The following GNL3L variants were observed in gnomAD, a reference collection of about 807,000 sequenced individuals.
The protein encoded by GNL3L is guanine nucleotide-binding protein-like 3-like protein.
A neutral mutation model predicts 42.9 loss-of-function variants in GNL3L; 4 were observed. The observed-to-expected ratio is 0.09, with a 90% CI of 0.05 to 0.21. The LOEUF (loss-of-function observed/expected upper bound fraction) is 0.21. GNL3L is among the 10% of genes least tolerant of loss of function. The pLI, the probability that GNL3L is intolerant of heterozygous loss-of-function variation, is 1.00. For synonymous variants in GNL3L, 159 were observed against 176.3 expected (o/e 0.90, Z 0.78); for missense variants, 412 against 481.7 (o/e 0.86, Z 1.36).
chrX:54,614,380 C>T (rs991318251), intron 16 of GNL3L, among the ~76,000 whole-genome samples: 24 of 111,342 alleles, frequency 2.2e-4, no homozygotes, highest in African/African-American at 7.8e-4. Flanking sequence ...TTGGTTCTTC[C>T]CCTGCTTGTG....
chrX:54,635,545 A>G, the GNL3L span, among the ~76,000 whole-genome samples: 27 of 111,116 alleles, frequency 2.4e-4, no homozygotes, highest in African/African-American at 8.5e-4. Context: ...GGTACATTAA[A>G]TTCTCCTTTT....
chrX:54,589,985 G>A (rs1235750336), intron 16 of GNL3L, among the ~76,000 whole-genome samples: 4 of 109,831 alleles, frequency 3.6e-5, no homozygotes, highest in African/African-American at 1.3e-4. Flanking sequence ...TGTCGCCCAG[G>A]CTGGAGTGTA....
At chrX:54,644,407 C>T in the GNL3L span, among the ~76,000 whole-genome samples, 1 of 112,244 alleles carries the variant, frequency 8.9e-6, no homozygotes. Flanking sequence ...TTCAGTTTTA[C>T]AGTTAAATCT....
chrX:54,618,107 G>C (rs1414627448), intron 16 of GNL3L, among the ~76,000 whole-genome samples: 1 of 110,836 alleles, frequency 9.0e-6, no homozygotes, highest in Non-Finnish European at 1.9e-5. Context: ...CCACATATAG[G>C]AGCTGGCTTC....
chrX:54,567,662 G>A (rs1925474839), downstream of GNL3L, among the ~76,000 whole-genome samples: 1 of 106,567 alleles, frequency 9.4e-6, no homozygotes, highest in South Asian at 4.1e-4. Context: ...AAAAAAAAAA[G>A]AATGGTGAGC....
At chrX:54,605,540 G>C (rs754377696) in intron 16 of GNL3L, among the ~76,000 whole-genome samples, 17 of 111,676 alleles carry the variant, frequency 1.5e-4, no homozygotes, top group Admixed American at 7.6e-4. Context: ...TCTTGGTGCT[G>C]TACTGGATAA....
chrX:54,570,665 AATG>A (rs1195703718), downstream of GNL3L, among the ~76,000 whole-genome samples: 2 of 108,809 alleles, frequency 1.8e-5, no homozygotes, highest in East Asian at 5.8e-4. Flanking sequence ...TGTTTTTTTT[AATG>A]ATTCCATTGT....
intron 14 of GNL3L, among the ~76,000 whole-genome samples, chrX:54,555,239 C>T (rs1303610717): frequency 9.1e-6 from 1 of 109,981 alleles, no homozygotes; most frequent in Non-Finnish European, 1.9e-5. Context: ...GTCTCGAACC[C>T]CTGACCTCGG....
chrX:54,566,020 C>A lies in GNL3L; in HGVS notation c.*5418C>A, dbSNP rs1256346265. Among the ~76,000 whole-genome samples the A allele has an allele frequency of 9.1e-6, 1 of 109,413 alleles. No individual in the cohort carries two copies. The highest frequency in any genetic ancestry group is 1.9e-5 in the Non-Finnish European group (1 of 52,704). ...ATTTTTACCAGAGACAAGGTTTCACCATGTTGGCAAGGCTGGTCTTGAACT... is the reference window on the plus strand; with the variant it reads ...ATTTTTACCAGAGACAAGGTTTCACAATGTTGGCAAGGCTGGTCTTGAACT... On this transcript the variant is annotated 3_prime_UTR_variant, in exon 16 of 16. Transcript: ENST00000360845.
chrX:54,570,441 T>C (rs915641275), downstream of GNL3L, among the ~76,000 whole-genome samples: 71 of 112,226 alleles, frequency 6.3e-4, 1 homozygote, highest in African/African-American at 2.2e-3. Context: ...TGTTTATGTT[T>C]AAAGTGCATT....
the GNL3L span, among the ~76,000 whole-genome samples, chrX:54,630,774 C>CTCTTTCTT: frequency 2.1e-3 from 186 of 89,754 alleles, 1 homozygote; most frequent in African/African-American, 7.5e-3. Flanking sequence ...TTCTTTCTTT[C>CTCTTTCTT]TCTTTCTTTC....
chrX:54,586,156 G>T (rs149091373), intron 16 of GNL3L, among the ~76,000 whole-genome samples: 195 of 111,213 alleles, frequency 1.8e-3, no homozygotes, highest in African/African-American at 5.8e-3. Flanking sequence ...CATCCTGCTG[G>T]GCCAAGATCA....
Position 54,551,560 on chromosome X carries a change from CG to C in GNL3L, c.864-7del. ...GGTACATCTGGGCTTTCTTCTTCCC[CG>C]CCCCAGATTCATGCAGGAGGTCTAC... is the stretch of plus-strand genomic sequence containing the variant. On this transcript the variant is annotated splice_region_variant and splice_polypyrimidine_tract_variant and intron_variant, in intron 10 of 15. Transcript: ENST00000360845. 8.3e-7 allele frequency: 1 copy of C among 1,205,107 alleles called. No individual in the cohort carries two copies. The highest frequency in any genetic ancestry group is 1.1e-6 in the Non-Finnish European group (1 of 890,385).
chrX:54,536,714 G>C (rs1924435983), intron 2 of GNL3L, among the ~76,000 whole-genome samples: 1 of 107,156 alleles, frequency 9.3e-6, no homozygotes, highest in South Asian at 4.3e-4. Flanking sequence ...GAACCTGGGA[G>C]GTGGAGGTTG....
intron 14 of GNL3L, among the ~76,000 whole-genome samples, chrX:54,555,168 A>G (rs1925052799): frequency 9.2e-6 from 1 of 109,242 alleles, no homozygotes; most frequent in East Asian, 2.9e-4. Context: ...ATGCGCCACG[A>G]CACCCGGCTT....
intron 14 of GNL3L, among the ~76,000 whole-genome samples, chrX:54,555,633 ATTTTTTTT>A (rs759334820): frequency 3.0e-5 from 2 of 66,396 alleles, no homozygotes; most frequent in East Asian, 4.4e-4. Context: ...ACCATGCCTA[ATTTTTTTT>A]TTTTTTTTTT....
chrX:54,636,626 G>A, the GNL3L span, among the ~76,000 whole-genome samples: 1 of 110,718 alleles, frequency 9.0e-6, no homozygotes, highest in Non-Finnish European at 1.9e-5. Context: ...TGTGGTATTT[G>A]GTTCCCTGTT....
chrX:54,561,835 C>A lies in GNL3L; in HGVS notation c.*1233C>A, dbSNP rs1172524597. On this transcript the variant is annotated 3_prime_UTR_variant, in exon 16 of 16. Coordinates refer to ENST00000360845, the MANE Select transcript of GNL3L (RefSeq NM_001184819.2). The stretch of plus-strand genomic sequence containing the variant: ...ACCTCATTAAAGTATAATTAGCTGT[C>A]TCCTCTGGGAGATCCTACCCCATCA... 9.0e-6 allele frequency among the ~76,000 whole-genome samples: 1 copy of A among 111,692 alleles called. No homozygotes were observed. The highest frequency in any genetic ancestry group is 2.8e-4 in the East Asian group (1 of 3,518).
intron 8 of GNL3L, among the ~76,000 whole-genome samples, chrX:54,544,998 C>T (rs779421728): frequency 1.2e-4 from 13 of 111,535 alleles, no homozygotes; most frequent in African/African-American, 3.6e-4. Context: ...TTACTGCAAC[C>T]GCTGCCCACC....
Sources: allele counts gnomAD v4.1 joint callset (sites outside exome capture counted in the v4.1 genomes callset), GRCh38; gene constraint gnomAD v4.1.1; transcripts MANE v1.5; gene names NCBI Gene and HGNC (gene_info 2026-07-23, HGNC 2026-07-21).